Variants in NRF1 observed in about 807,000 individuals in gnomAD.
NRF1 encodes alpha palindromic-binding protein.
NRF1 carries 5 observed loss-of-function variants against 58.5 expected under a neutral mutation model. That is an observed-to-expected ratio of 0.09 (90% CI 0.04 to 0.18). The LOEUF (loss-of-function observed/expected upper bound fraction) is 0.18, where lower values mean the gene tolerates loss of function less well. Ranked by LOEUF, NRF1 falls within the 10% of genes least tolerant of loss-of-function variation. The pLI, the probability that NRF1 is intolerant of heterozygous loss-of-function variation, is 1.00. For missense variants in NRF1, 288 were observed against 657.7 expected, an observed-to-expected ratio of 0.44 and a Z score of 6.15; for synonymous variants, 224 against 246.7, an observed-to-expected ratio of 0.91 and a Z score of 0.86.
At chr7:129,695,590 A>C (rs1318669684) in intron 5 of NRF1, among the ~76,000 whole-genome samples, 4 of 148,088 alleles carry the variant, frequency 2.7e-5, no homozygotes. Flanking sequence ...AAAAAAAAAC[A>C]AAAAAAACTG....
intron 10 of NRF1, among the ~76,000 whole-genome samples, chr7:129,747,961 G>C (rs1277401467): frequency 6.6e-6 from 1 of 152,146 alleles, no homozygotes. Flanking sequence ...CACCTACTGT[G>C]TTCAAGTTGC....
intron 9 of NRF1, among the ~76,000 whole-genome samples, chr7:129,719,534 A>ACACACACACG (rs1562982182): frequency 3.7e-5 from 4 of 109,338 alleles, no homozygotes; most frequent in Non-Finnish European, 7.6e-5. Context: ...ACACACACAC[A>ACACACACACG]CACACACACA....
chr7:129,611,962 T>G, intron 1 of NRF1, 138 bp downstream of exon 1: 1 of 147,880 alleles, frequency 6.8e-6, no homozygotes, highest in East Asian at 2.0e-4. Flanking sequence ...CCCCGCCGGA[T>G]TCGGCCCGCC....
intron 1 of NRF1, among the ~76,000 whole-genome samples, chr7:129,626,353 T>C (rs149276960): frequency 1.3e-5 from 2 of 152,262 alleles, no homozygotes; most frequent in African/African-American, 4.8e-5. Context: ...GCTCCGATTT[T>C]TTTTGCGTTC....
At chr7:129,691,634 C>T (rs981957824) in intron 5 of NRF1, among the ~76,000 whole-genome samples, 16 of 152,058 alleles carry the variant, frequency 1.1e-4, no homozygotes, top group Non-Finnish European at 1.6e-4. Context: ...GGATTACAGG[C>T]GTGAGCCACC....
intron 10 of NRF1, among the ~76,000 whole-genome samples, chr7:129,739,277 TTTTAA>T (rs1403754324): frequency 1.3e-5 from 2 of 152,224 alleles, no homozygotes; most frequent in Non-Finnish European, 2.9e-5. Context: ...GATACTGAAT[TTTTAA>T]TTTAATTATA....
chr7:129,692,986 A>G (rs1802606100), intron 5 of NRF1, among the ~76,000 whole-genome samples: 1 of 152,122 alleles, frequency 6.6e-6, no homozygotes, highest in African/African-American at 2.4e-5. Context: ...TCTGTATAAC[A>G]CTTGTTACTA....
intron 4 of NRF1, among the ~76,000 whole-genome samples, chr7:129,681,668 G>T (rs548026829): frequency 6.6e-6 from 1 of 152,224 alleles, no homozygotes; most frequent in African/African-American, 2.4e-5. Context: ...CCTCCTCTTG[G>T]GTTCAAGCGA....
At chr7:129,744,143 T>C in intron 10 of NRF1, 1 of 1,497,948 alleles carries the variant, frequency 6.7e-7, no homozygotes, top group Non-Finnish European at 8.9e-7. Context: ...TTTTTTTTTT[T>C]TTTTTTTAAC....
intron 10 of NRF1, among the ~76,000 whole-genome samples, chr7:129,753,677 C>T (rs1804177621): frequency 6.6e-6 from 1 of 151,980 alleles, no homozygotes. Flanking sequence ...TTCCTTTAAG[C>T]CATCCTTTCT....
chr7:129,635,486 A>G (rs1321834628), intron 1 of NRF1, among the ~76,000 whole-genome samples: 1 of 152,126 alleles, frequency 6.6e-6, no homozygotes, highest in Non-Finnish European at 1.5e-5. Flanking sequence ...TTCTGTTTGT[A>G]TGTGCATTTG....
intron 2 of NRF1, among the ~76,000 whole-genome samples, chr7:129,664,281 AT>A (rs1801871711): frequency 6.6e-6 from 1 of 152,332 alleles, no homozygotes; most frequent in South Asian, 2.1e-4. Context: ...TACATTGAAC[AT>A]TTAGCACCAT....
chr7:129,725,925 C>T (rs1235830470), intron 9 of NRF1, among the ~76,000 whole-genome samples: 1 of 152,190 alleles, frequency 6.6e-6, no homozygotes, highest in African/African-American at 2.4e-5. Context: ...ATTACTATAT[C>T]TGTTGTTTTA....
At chr7:129,722,553 A>G (rs1252482247) in intron 9 of NRF1, among the ~76,000 whole-genome samples, 2 of 152,144 alleles carry the variant, frequency 1.3e-5, no homozygotes, top group Non-Finnish European at 2.9e-5. Flanking sequence ...GGACTGAATA[A>G]TTAATCGTAC....
chr7:129,749,745 C>T (rs1171883153), intron 10 of NRF1, among the ~76,000 whole-genome samples: 2 of 152,012 alleles, frequency 1.3e-5, no homozygotes, highest in Admixed American at 1.3e-4. Flanking sequence ...ACTCCCAAAT[C>T]AAAGGCCTGG....
intron 1 of NRF1, among the ~76,000 whole-genome samples, chr7:129,647,713 G>A (rs572966611): frequency 6.6e-6 from 1 of 152,194 alleles, no homozygotes; most frequent in East Asian, 1.9e-4. Flanking sequence ...TTTTTCTTAA[G>A]CATTATATAA....
intron 10 of NRF1, among the ~76,000 whole-genome samples, chr7:129,736,620 G>T (rs1204357966): frequency 1.6e-5 from 2 of 121,338 alleles, no homozygotes; most frequent in Non-Finnish European, 3.4e-5. Flanking sequence ...ATTTTTTTTT[G>T]GTATCTATAG....
intron 1 of NRF1, among the ~76,000 whole-genome samples, chr7:129,618,378 C>G (rs532873609): frequency 6.6e-6 from 1 of 152,274 alleles, no homozygotes; most frequent in South Asian, 2.1e-4. Context: ...AGGGGATTTG[C>G]ATTCATCAGT....
At chr7:129,708,020 G>C (rs1199345379) in intron 5 of NRF1, among the ~76,000 whole-genome samples, 1 of 151,462 alleles carries the variant, frequency 6.6e-6, no homozygotes, top group Non-Finnish European at 1.5e-5. Flanking sequence ...GTTTTTTCTT[G>C]TTTTACTTTG....
Sources: gnomAD v4.1 joint callset for allele counts (sites outside exome capture counted in the v4.1 genomes callset) on GRCh38, gnomAD v4.1.1 for gene constraint, MANE v1.5 for transcripts, NCBI Gene and HGNC (gene_info 2026-07-23, HGNC 2026-07-21) for gene names.